The following RC3H2 variants were observed in gnomAD, a reference collection of about 807,000 sequenced individuals.
RC3H2 encodes ring finger and CCCH-type domains 2.
RC3H2 carries 31 observed loss-of-function variants against 133.3 expected under a neutral mutation model. The observed-to-expected ratio is 0.23, with a 90% CI of 0.17 to 0.31. The LOEUF (loss-of-function observed/expected upper bound fraction) is 0.31. RC3H2 is among the 10% of genes least tolerant of loss of function. RC3H2 has a pLI of 1.00. For missense variants in RC3H2, 1,175 were observed against 1,437.2 expected (o/e 0.82, Z 2.95); for synonymous variants, 517 against 502.2 (o/e 1.03, Z -0.40).
chr9:122,849,803 G>A lies in RC3H2; in HGVS notation c.3400C>T (p.Leu1134=). 11 of 1,566,478 alleles carry A rather than the reference G, an allele frequency of 7.0e-6. No homozygotes were observed. The highest frequency in any genetic ancestry group is 8.6e-6 in the Non-Finnish European group (10 of 1,160,358). ...TGGCTAAAGCAAGAAGTTACCGGCA[G>A]AATTGTTTTTTGCTCCTCCCTGAGA... ...HVILEEQKTI[L]PVTSCFSQPL... Residue 1134 remains leucine (L), a synonymous_variant, in exon 21 of 21, where the codon CTG becomes TTG. Coordinates refer to ENST00000357244, the MANE Select transcript of RC3H2 (RefSeq NM_001100588.3).
At chr9:122,865,133 T>G (rs569960369) in intron 10 of RC3H2, among the ~76,000 whole-genome samples, 2 of 152,106 alleles carry the variant, frequency 1.3e-5, no homozygotes, top group Non-Finnish European at 2.9e-5. Context: ...AAACTCAGAG[T>G]TAAAGTCACT....
chr9:122,896,364 CA>C (rs763866314), intron 2 of RC3H2, among the ~76,000 whole-genome samples: 21 of 151,966 alleles, frequency 1.4e-4, no homozygotes, highest in Admixed American at 3.9e-4. Context: ...ACAACAACAA[CA>C]AAAAAACCTG....
chr9:122,896,511 T>C (rs1311900280), intron 2 of RC3H2, among the ~76,000 whole-genome samples: 1 of 152,256 alleles, frequency 6.6e-6, no homozygotes, highest in Non-Finnish European at 1.5e-5. Context: ...AATATGTAAC[T>C]ATAATGTAAT....
At chr9:122,874,383 T>C (rs1831243476) in intron 9 of RC3H2, 1 of 152,076 alleles carries the variant, frequency 6.6e-6, no homozygotes, top group African/African-American at 2.4e-5. Context: ...TATAGGAAGA[T>C]ACTGGATAAA....
intron 9 of RC3H2, among the ~76,000 whole-genome samples, chr9:122,870,707 T>C (rs1166164156): frequency 1.3e-5 from 2 of 152,198 alleles, no homozygotes; most frequent in Non-Finnish European, 2.9e-5. Flanking sequence ...TGCACCACCA[T>C]GCGTAACTCT....
intron 2 of RC3H2, 74 bp downstream of exon 2, chr9:122,897,205 G>T: frequency 1.5e-6 from 2 of 1,359,344 alleles, no homozygotes; most frequent in South Asian, 2.6e-5. Context: ...CTGCAGGCTG[G>T]ACAAGCCGTT....
In RC3H2 at chr9:122,859,052, G is replaced by A. The variant is rs1005299061; in HGVS notation, c.1900C>T (p.Pro634Ser). 1 of 1,608,256 alleles carries A rather than the reference G, an allele frequency of 6.2e-7. No individual in the cohort carries two copies. The change falls in exon 12 of 21, where the codon CCT becomes TCT. Residue 634 changes from proline (P) to serine (S), a missense_variant. This residue lies in a region of RC3H2 where 490 missense variants were observed against 492.8 expected (regional missense o/e 0.99). Transcript: ENST00000357244. ...ACGTTATTGGACCTCACAAAGCGAG[G>A]AACACAGGGAGCCACACCAGCTGGT... ...TVPAGVAPCV[P>S]RFVRSNNVPE...
chr9:122,867,856 G>C (rs1432813415), intron 9 of RC3H2, among the ~76,000 whole-genome samples: 1 of 94,332 alleles, frequency 1.1e-5, no homozygotes, highest in Non-Finnish European at 2.3e-5. Flanking sequence ...AGTGAGGAGC[G>C]TCTCCGCCCG....
intron 1 of RC3H2, among the ~76,000 whole-genome samples, chr9:122,904,130 T>C (rs535240519): frequency 1.8e-4 from 28 of 152,248 alleles, no homozygotes; most frequent in African/African-American, 6.7e-4. Context: ...CTTAAAGCAC[T>C]TTATTTGGGA....
rs1177118668 is a variant in RC3H2, at chr9:122,877,601, CATTCA to C, written c.1213-23_1213-19del. ...GGCTGAGGCTACAAAAATGGGAACA[CATTCA>C]ATGAGTGGCAAGGTGAAGATTCCAT... On this transcript the variant is annotated intron_variant, in intron 8 of 20. Transcript: ENST00000357244. 1 of 1,587,596 alleles carries C rather than the reference CATTCA, an allele frequency of 6.3e-7. No homozygotes were observed. The highest frequency in any genetic ancestry group is 1.1e-5 in the South Asian group (1 of 90,454).
chr9:122,868,535 T>C (rs1830858782), intron 9 of RC3H2, among the ~76,000 whole-genome samples: 1 of 151,844 alleles, frequency 6.6e-6, no homozygotes. Context: ...AACAGATGCT[T>C]GAAGGCAGCA....
At chr9:122,890,595 A>G in intron 3 of RC3H2, 50 bp from the exon 4 acceptor site, 2 of 1,441,684 alleles carry the variant, frequency 1.4e-6, no homozygotes, top group Non-Finnish European at 1.9e-6. Context: ...AATAAAAAAT[A>G]AAAGTCAATT....
chr9:122,892,461 G>A (rs987670732), intron 3 of RC3H2, among the ~76,000 whole-genome samples: 1 of 152,006 alleles, frequency 6.6e-6, no homozygotes, highest in Non-Finnish European at 1.5e-5. Context: ...CCCCAGGCTG[G>A]AGTGCAGTGG....
intron 3 of RC3H2, among the ~76,000 whole-genome samples, chr9:122,891,074 C>A (rs1249034984): frequency 3.0e-5 from 4 of 131,766 alleles, no homozygotes; most frequent in Non-Finnish European, 6.1e-5. Context: ...GGCTGGAGTG[C>A]AGTGGCACAA....
chr9:122,849,583 A>C lies in RC3H2; in HGVS notation c.*44T>G. ...TTATATATATAAAAAGCTAGTGTAAATGCTTCCATGGTGTGGTCACAAATT... is the reference window on the plus strand; with the variant it reads ...TTATATATATAAAAAGCTAGTGTAACTGCTTCCATGGTGTGGTCACAAATT... On this transcript the variant is annotated 3_prime_UTR_variant, in exon 21 of 21. Coordinates refer to ENST00000357244, the MANE Select transcript of RC3H2 (RefSeq NM_001100588.3). 1 of 1,190,518 alleles carries C rather than the reference A, an allele frequency of 8.4e-7. No individual in the cohort carries two copies. The highest frequency in any genetic ancestry group is 1.4e-5 in the South Asian group (1 of 72,958). The allele number at this position is 1,190,518 out of a possible 1,614,324, so 73.7% of individuals were successfully genotyped here.
At chr9:122,852,015 C>A (rs1192595827) in intron 18 of RC3H2, among the ~76,000 whole-genome samples, 1 of 144,158 alleles carries the variant, frequency 6.9e-6, no homozygotes, top group Non-Finnish European at 1.5e-5. Context: ...AAGTGAGGAC[C>A]GTCTCTGCCC....
chr9:122,889,125 ATGTT>A (rs1238734551), intron 4 of RC3H2, among the ~76,000 whole-genome samples: 6 of 152,006 alleles, frequency 3.9e-5, no homozygotes, highest in African/African-American at 1.4e-4. Flanking sequence ...TCCTCTGTGT[ATGTT>A]TGTTACGTAA....
intron 9 of RC3H2, among the ~76,000 whole-genome samples, chr9:122,866,798 T>C (rs1830698172): frequency 1.3e-5 from 2 of 152,292 alleles, no homozygotes; most frequent in South Asian, 4.1e-4. Flanking sequence ...CCCAAAGTGC[T>C]GAGATTGCAG....
intron 9 of RC3H2, chr9:122,873,652 G>T (rs1831201464): frequency 6.6e-6 from 1 of 151,762 alleles, no homozygotes; most frequent in Admixed American, 6.6e-5. Flanking sequence ...GGCAGAAGTT[G>T]CAAGTGAGCC....
Sources: gnomAD v4.1 joint callset for allele counts (sites outside exome capture counted in the v4.1 genomes callset) on GRCh38, gnomAD v4.1.1 for gene constraint, gnomAD v4.1.1 regional missense constraint, MANE v1.5 for transcripts, NCBI Gene and HGNC (gene_info 2026-07-23, HGNC 2026-07-21) for gene names.